Variants in FAAH2 observed in about 807,000 individuals in gnomAD.
The protein encoded by FAAH2 is fatty acid amide hydrolase 2.
A neutral mutation model predicts 36.9 loss-of-function variants in FAAH2; 60 were observed. That is an observed-to-expected ratio of 1.63 (90% CI 1.32 to 2.02). The LOEUF (loss-of-function observed/expected upper bound fraction) is 2.02. Ranked by LOEUF, FAAH2 falls within the 30% of genes most tolerant of loss-of-function variation. The pLI is 0.00. For synonymous variants in FAAH2, 214 were observed against 143.8 expected, an observed-to-expected ratio of 1.49 and a Z score of -3.49; for missense variants, 689 against 397.5, an observed-to-expected ratio of 1.73 and a Z score of -6.23.
chrX:57,281,080 G>A, the FAAH2 span, among the ~76,000 whole-genome samples: 14 of 111,324 alleles, frequency 1.3e-4, no homozygotes, highest in Non-Finnish European at 2.3e-4. Flanking sequence ...ATTGGGCAGT[G>A]GTGTGGACAT....
chrX:57,404,841 G>A (rs777146256), intron 7 of FAAH2, among the ~76,000 whole-genome samples: 1 of 112,252 alleles, frequency 8.9e-6, no homozygotes, highest in Non-Finnish European at 1.9e-5. Flanking sequence ...ACACGCATGG[G>A]TGACTGTTGA....
chrX:57,231,783 C>A, the FAAH2 span, among the ~76,000 whole-genome samples: 1 of 111,538 alleles, frequency 9.0e-6, no homozygotes, highest in African/African-American at 3.3e-5. Flanking sequence ...AATTATTAGG[C>A]AATTAATCCC....
At chrX:57,226,357 C>T in the FAAH2 span, among the ~76,000 whole-genome samples, 1 of 111,929 alleles carries the variant, frequency 8.9e-6, no homozygotes, top group African/African-American at 3.3e-5. Context: ...ATGGTGAATT[C>T]TCTCAATATT....
intron 5 of FAAH2, among the ~76,000 whole-genome samples, chrX:57,375,033 G>A (rs1241349849): frequency 9.0e-6 from 1 of 110,599 alleles, no homozygotes; most frequent in African/African-American, 3.3e-5. Context: ...TCATTAACCT[G>A]TTTCTATTAA....
intron 10 of FAAH2, among the ~76,000 whole-genome samples, chrX:57,456,536 C>T (rs928647061): frequency 9.0e-6 from 1 of 111,664 alleles, no homozygotes; most frequent in African/African-American, 3.3e-5. Flanking sequence ...GATTGATATA[C>T]CATTAGCTAA....
At chrX:57,218,577 G>T in the FAAH2 span, among the ~76,000 whole-genome samples, 1 of 111,781 alleles carries the variant, frequency 8.9e-6, no homozygotes, top group Admixed American at 9.5e-5. Flanking sequence ...TTACCTTTTA[G>T]ATATGTTGTT....
chrX:57,296,775 G>A (rs897027987), intron 2 of FAAH2, among the ~76,000 whole-genome samples: 80 of 111,446 alleles, frequency 7.2e-4, no homozygotes, highest in Admixed American at 9.5e-4. Flanking sequence ...TGATGGAGCC[G>A]AAAACCACAG....
chrX:57,439,649 TG>T (rs759314878), intron 8 of FAAH2, among the ~76,000 whole-genome samples: 8 of 112,087 alleles, frequency 7.1e-5, no homozygotes, highest in Non-Finnish European at 1.5e-4. Flanking sequence ...CCTTTGCTTT[TG>T]GTGTTTTAGA....
At chrX:57,469,731 G>T (rs1014124164) in intron 10 of FAAH2, among the ~76,000 whole-genome samples, 1 of 111,535 alleles carries the variant, frequency 9.0e-6, no homozygotes, top group African/African-American at 3.3e-5. Flanking sequence ...ATTGAACTCA[G>T]CTCTGCACCA....
chrX:57,300,489 C>T (rs909362027), intron 2 of FAAH2, among the ~76,000 whole-genome samples: 14 of 111,907 alleles, frequency 1.3e-4, no homozygotes, highest in African/African-American at 4.2e-4. Flanking sequence ...CATGTCAGAC[C>T]TAAAACCATA....
chrX:57,348,090 C>T (rs894275940), intron 5 of FAAH2, among the ~76,000 whole-genome samples: 1 of 110,387 alleles, frequency 9.1e-6, no homozygotes, highest in Admixed American at 9.7e-5. Flanking sequence ...GCAGACCTTC[C>T]CTGCACTCAC....
chrX:57,301,550 C>T (rs2052369077), intron 2 of FAAH2, among the ~76,000 whole-genome samples: 1 of 107,391 alleles, frequency 9.3e-6, no homozygotes, highest in African/African-American at 3.4e-5. Context: ...CAACATGGCG[C>T]ATGTATACAT....
chrX:57,179,680 G>T, the FAAH2 span, among the ~76,000 whole-genome samples: 1 of 111,423 alleles, frequency 9.0e-6, no homozygotes, highest in African/African-American at 3.3e-5. Context: ...GGAGTCTTCA[G>T]CAACCCACTG....
At chrX:57,145,255 G>GT in the FAAH2 span, among the ~76,000 whole-genome samples, 116 of 60,055 alleles carry the variant, frequency 1.9e-3, no homozygotes, top group African/African-American at 8.3e-3. Flanking sequence ...CATTCTTTTG[G>GT]GGGGGGGTAA....
intron 7 of FAAH2, among the ~76,000 whole-genome samples, chrX:57,413,355 G>A (rs764028828): frequency 8.9e-6 from 1 of 112,147 alleles, no homozygotes; most frequent in Admixed American, 9.4e-5. Context: ...TATGGTTTTA[G>A]GTCTTACATT....
chrX:57,299,944 A>G (rs1244466416), intron 2 of FAAH2, among the ~76,000 whole-genome samples: 1 of 111,602 alleles, frequency 9.0e-6, no homozygotes, highest in Non-Finnish European at 1.9e-5. Context: ...CCACTGCTCA[A>G]TGAAATAAAA....
chrX:57,401,098 G>A (rs1358271073), intron 7 of FAAH2, among the ~76,000 whole-genome samples: 1 of 111,463 alleles, frequency 9.0e-6, no homozygotes, highest in Non-Finnish European at 1.9e-5. Flanking sequence ...ACTCCAGCCT[G>A]GGCGACAGAG....
At chrX:57,157,004 T>G in the FAAH2 span, among the ~76,000 whole-genome samples, 1 of 112,450 alleles carries the variant, frequency 8.9e-6, no homozygotes. Context: ...GGCAGCAGAT[T>G]GCCTTCTTCG....
At chrX:57,456,817 A>G (rs777378415) in intron 10 of FAAH2, among the ~76,000 whole-genome samples, 1 of 111,496 alleles carries the variant, frequency 9.0e-6, no homozygotes, top group South Asian at 3.8e-4. Flanking sequence ...TTACCAACAA[A>G]AAAGAGCCCA....
Sources: gnomAD v4.1 joint callset for allele counts (sites outside exome capture counted in the v4.1 genomes callset) on GRCh38, gnomAD v4.1.1 for gene constraint, MANE v1.5 for transcripts, NCBI Gene and HGNC (gene_info 2026-07-23, HGNC 2026-07-21) for gene names.